The following RPAP3 variants were observed in gnomAD, a reference collection of about 807,000 sequenced individuals.
RPAP3 encodes the protein RNA polymerase II-associated protein 3.
RPAP3 carries 58 observed loss-of-function variants against 88.8 expected under a neutral mutation model. The ratio of observed to expected loss-of-function variants is 0.65; its 90% CI spans 0.53 to 0.81. The LOEUF is 0.81. Ranked by LOEUF, RPAP3 falls within the 40% of genes least tolerant of loss-of-function variation. RPAP3 has a pLI of 0.00. For missense variants in RPAP3, 751 were observed against 764.3 expected, an observed-to-expected ratio of 0.98 and a Z score of 0.20; for synonymous variants, 255 against 259.9, an observed-to-expected ratio of 0.98 and a Z score of 0.18.
intron 6 of RPAP3, among the ~76,000 whole-genome samples, chr12:47,689,633 A>G (rs1157076746): frequency 6.6e-6 from 1 of 151,712 alleles, no homozygotes; most frequent in African/African-American, 2.4e-5. Context: ...GCCACTGTGC[A>G]GAGCCAAGCC....
Position 47,663,979 on chromosome 12 carries a change from A to G in RPAP3, c.1913-389T>C, listed in dbSNP as rs1200143048. The stretch of plus-strand genomic sequence containing the variant: ...TTCAAACCTAAATCATTTTATTTTA[A>G]AAGAAAACTTTACATCACTACTGTA... On this transcript the variant is annotated intron_variant, in intron 16 of 16. Transcript: ENST00000005386. Among the ~76,000 whole-genome samples the G allele has an allele frequency of 2.0e-5, 3 of 152,220 alleles. No individual in the cohort carries two copies. The East Asian group carries it at 5.8e-4, about 29-fold the overall frequency.
chr12:47,680,906 T>A (rs1939209910), intron 10 of RPAP3, among the ~76,000 whole-genome samples: 1 of 137,712 alleles, frequency 7.3e-6, no homozygotes, highest in Non-Finnish European at 1.6e-5. Flanking sequence ...TAGGAAAAGA[T>A]ACAACTTGCT....
At chr12:47,689,634 G>A (rs902192124) in intron 6 of RPAP3, among the ~76,000 whole-genome samples, 1 of 151,490 alleles carries the variant, frequency 6.6e-6, no homozygotes, top group Non-Finnish European at 1.5e-5. Flanking sequence ...CCACTGTGCA[G>A]AGCCAAGCCA....
intron 12 of RPAP3, among the ~76,000 whole-genome samples, chr12:47,672,716 T>C (rs1939024194): frequency 6.6e-6 from 1 of 152,220 alleles, no homozygotes; most frequent in African/African-American, 2.4e-5. Flanking sequence ...TGATTTTGGA[T>C]CATTTACAGA....
rs1407799826 is a variant in RPAP3 at position 47,661,694 on chromosome 12, C to T, written c.*1811G>A. ...AACAGTCTCTACACAGGTAACACAA[C>T]ATAAAAACTGCAGCTGGAAGTAGTT... On this transcript the variant is annotated 3_prime_UTR_variant, in exon 17 of 17. Coordinates refer to ENST00000005386, the MANE Select transcript of RPAP3 (RefSeq NM_024604.3). 2 of 152,182 alleles carry T rather than the reference C, an allele frequency of 1.3e-5. No individual in the cohort carries two copies. Among genetic ancestry groups the T allele is most frequent in the African/African-American group, 2.4e-5 (1 of 41,440 alleles). The allele number at this position is 152,182 out of a possible 1,614,324, so 9.4% of individuals were successfully genotyped here. A position where few individuals can be genotyped will look rare whatever the true frequency, so the allele number is the denominator to read the frequency against.
chr12:47,689,109 A>C lies in RPAP3; in HGVS notation c.738+16T>G. 1 of 1,243,120 alleles carries C rather than the reference A, an allele frequency of 8.0e-7. No individual in the cohort carries two copies. The highest frequency in any genetic ancestry group is 1.2e-6 in the Non-Finnish European group (1 of 862,812). 77.0% of individuals were successfully genotyped at this position (1,243,120 alleles called of 1,614,324 possible). On this transcript the variant is annotated intron_variant, in intron 7 of 16. Transcript: ENST00000005386. ...TAAAGGTCATAATACACTTAATTTA[A>C]ATAACTATAGTTTACCTGACTGATT...
intron 16 of RPAP3, among the ~76,000 whole-genome samples, chr12:47,665,561 A>C (rs1938855701): frequency 6.6e-6 from 1 of 150,988 alleles, no homozygotes; most frequent in Non-Finnish European, 1.5e-5. Context: ...TGGTTAACTA[A>C]AGCTAAAACC....
chr12:47,687,992 A>G lies in RPAP3; in HGVS notation c.748T>C (p.Ser250Pro), dbSNP rs772573715. ...TCCTTTGGATATGAGTTTTCTTTGG[A>G]TGCTAAAGCCTAGGAGACATAGCAG... is the stretch of plus-strand genomic sequence containing the variant. The part of the protein sequence containing the change: ...ELRKISQALA[S>P]KENSYPKEAD... The change falls in exon 8 of 17, where the codon TCC becomes CCC. Residue 250 changes from serine (S) to proline (P), a missense_variant. Transcript: ENST00000005386. 1 of 1,612,182 alleles carries G rather than the reference A, an allele frequency of 6.2e-7. No homozygotes were observed. The highest frequency in any genetic ancestry group is 8.5e-7 in the Non-Finnish European group (1 of 1,179,112).
intron 12 of RPAP3, among the ~76,000 whole-genome samples, chr12:47,678,428 ATG>A (rs1939158584): frequency 1.3e-5 from 2 of 152,246 alleles, no homozygotes. Flanking sequence ...GAGCTTCTGC[ATG>A]GCAAAAGAAA....
chr12:47,703,501 A>G (rs1939699236), intron 1 of RPAP3, among the ~76,000 whole-genome samples: 1 of 152,196 alleles, frequency 6.6e-6, no homozygotes, highest in South Asian at 2.1e-4. Flanking sequence ...GTTCCCTGAG[A>G]GGTAAAATAA....
chr12:47,701,231 G>C (rs551079575), intron 3 of RPAP3: 1 of 316,030 alleles, frequency 3.2e-6, no homozygotes, highest in East Asian at 5.3e-5. Context: ...AAAGAAAAAA[G>C]AATAAAATCC....
chr12:47,701,387 A>T, intron 3 of RPAP3, 77 bp downstream of exon 3: 1 of 1,057,540 alleles, frequency 9.5e-7, no homozygotes, highest in South Asian at 2.0e-5. Flanking sequence ...ATTATTTTTC[A>T]CTTAACCCAT....
At chr12:47,684,901 G>A (rs1401966819) in intron 9 of RPAP3, among the ~76,000 whole-genome samples, 3 of 152,136 alleles carry the variant, frequency 2.0e-5, no homozygotes, top group African/African-American at 4.8e-5. Context: ...TTTAAATGAG[G>A]TTAAATATAT....
At chr12:47,670,537 G>T (rs1219738722) in intron 12 of RPAP3, among the ~76,000 whole-genome samples, 192 bp from the exon 13 acceptor site, 1 of 152,156 alleles carries the variant, frequency 6.6e-6, no homozygotes, top group Non-Finnish European at 1.5e-5. Context: ...ATCCCAGGTA[G>T]GTCGAAACAA....
At chr12:47,702,955 GGACAGAA>G in intron 1 of RPAP3, 109 bp from the exon 2 acceptor site, 1 of 662,118 alleles carries the variant, frequency 1.5e-6, no homozygotes, top group Non-Finnish European at 2.3e-6. Context: ...CAAGATACAT[GGACAGAA>G]GACAGCCAAC....
chr12:47,679,761 AAC>A lies in RPAP3; in HGVS notation c.1126_1127del (p.Val376PhefsTer8). On this transcript the variant is annotated frameshift_variant, in exon 11 of 17. Transcript: ENST00000005386. LOFTEE classifies it high-confidence loss of function. The stretch of plus-strand genomic sequence containing the variant: ...GCTTATTTCCAGGTTCCAGAAGTAA[AAC>A]AGTTTCAAAATCTAAAGCGAATTTT... ...LNEAKQDFET[V>X]LLLEPGNKQA... The A allele has an allele frequency of 6.2e-7, 1 of 1,604,594 alleles. No homozygotes were observed. Among genetic ancestry groups the A allele is most frequent in the Non-Finnish European group, 8.5e-7 (1 of 1,175,150 alleles).
At chr12:47,674,479 A>C (rs1379740424) in intron 12 of RPAP3, among the ~76,000 whole-genome samples, 2 of 152,184 alleles carry the variant, frequency 1.3e-5, no homozygotes, top group Non-Finnish European at 2.9e-5. Flanking sequence ...CGAACTCATC[A>C]TAAGGAAACT....
chr12:47,697,841 C>T (rs1939566604), intron 3 of RPAP3, 122 bp from the exon 4 acceptor site: 3 of 845,750 alleles, frequency 3.5e-6, no homozygotes, highest in Non-Finnish European at 5.3e-6. Context: ...GGACCTACAG[C>T]CTTACAAAGC....
At chr12:47,674,446 T>C (rs555834631) in intron 12 of RPAP3, among the ~76,000 whole-genome samples, 1 of 152,062 alleles carries the variant, frequency 6.6e-6, no homozygotes, top group South Asian at 2.1e-4. Flanking sequence ...AATACAAACT[T>C]CTCCAAGCTA....
Sources: gnomAD v4.1 joint callset for allele counts (sites outside exome capture counted in the v4.1 genomes callset) on GRCh38, gnomAD v4.1.1 for gene constraint, MANE v1.5 for transcripts, NCBI Gene and HGNC (gene_info 2026-07-23, HGNC 2026-07-21) for gene names.